Variants in ZMAT4 observed in about 807,000 individuals in gnomAD.
ZMAT4 encodes zinc finger matrin-type protein 4.
ZMAT4 carries 17 observed loss-of-function variants against 28.7 expected under a neutral mutation model. The observed-to-expected ratio is 0.59, with a 90% CI of 0.41 to 0.89. ZMAT4 has a LOEUF of 0.89. Ranked by LOEUF, ZMAT4 falls within the 40% of genes least tolerant of loss-of-function variation. The pLI is 0.00. For synonymous variants in ZMAT4, 117 were observed against 109.2 expected (o/e 1.07, Z -0.44); for missense variants, 240 against 283.8 (o/e 0.85, Z 1.11).
At chr8:40,577,133 G>A (rs889283813) in intron 6 of ZMAT4, among the ~76,000 whole-genome samples, 1 of 152,100 alleles carries the variant, frequency 6.6e-6, no homozygotes, top group Non-Finnish European at 1.5e-5. Context: ...GGCAGAAGTT[G>A]CAGTGAGCCG....
At chr8:40,670,843 C>T (rs1030009210) in intron 5 of ZMAT4, among the ~76,000 whole-genome samples, 1 of 151,950 alleles carries the variant, frequency 6.6e-6, no homozygotes, top group African/African-American at 2.4e-5. Flanking sequence ...CCAAGGTGGG[C>T]AGATCATGAG....
chr8:40,789,662 A>G (rs1447711952), intron 2 of ZMAT4, among the ~76,000 whole-genome samples: 2 of 152,206 alleles, frequency 1.3e-5, no homozygotes, highest in East Asian at 3.9e-4. Flanking sequence ...GTATCAAAAT[A>G]TCTCATGTAC....
At chr8:40,848,746 T>C (rs1016659060) in intron 1 of ZMAT4, among the ~76,000 whole-genome samples, 3 of 152,232 alleles carry the variant, frequency 2.0e-5, no homozygotes, top group African/African-American at 7.2e-5. Flanking sequence ...TGGTCGCTAC[T>C]ATTATATTTA....
intron 1 of ZMAT4, among the ~76,000 whole-genome samples, chr8:40,848,987 G>T (rs1368959586): frequency 6.6e-6 from 1 of 152,244 alleles, no homozygotes; most frequent in African/African-American, 2.4e-5. Flanking sequence ...TCCCCTGCAG[G>T]TCACCGCTCT....
chr8:40,864,845 G>A (rs1289224117), intron 1 of ZMAT4, among the ~76,000 whole-genome samples: 1 of 152,162 alleles, frequency 6.6e-6, no homozygotes, highest in African/African-American at 2.4e-5. Flanking sequence ...TTCAAAAATT[G>A]AAAATGTACT....
chr8:40,547,007 T>C (rs924424776), intron 6 of ZMAT4, among the ~76,000 whole-genome samples: 2 of 152,154 alleles, frequency 1.3e-5, no homozygotes, highest in African/African-American at 4.8e-5. Context: ...GGAAATGCAA[T>C]CATGATAAAG....
intron 1 of ZMAT4, among the ~76,000 whole-genome samples, chr8:40,887,532 G>A (rs552290761): frequency 6.6e-6 from 1 of 151,678 alleles, no homozygotes; most frequent in African/African-American, 2.4e-5. Flanking sequence ...GTAAAATAGT[G>A]GTTTGGTATA....
At chr8:40,541,988 A>ATG (rs1803048499) in intron 6 of ZMAT4, among the ~76,000 whole-genome samples, 1 of 152,238 alleles carries the variant, frequency 6.6e-6, no homozygotes, top group Non-Finnish European at 1.5e-5. Flanking sequence ...GCCCTCGGGC[A>ATG]GAGTGGGACT....
chr8:40,645,113 A>G (rs1038928458), intron 5 of ZMAT4, among the ~76,000 whole-genome samples: 1 of 152,182 alleles, frequency 6.6e-6, no homozygotes, highest in Non-Finnish European at 1.5e-5. Context: ...TAAACTATGG[A>G]CTTTAGTTAA....
chr8:40,562,448 A>T (rs1803777434), intron 6 of ZMAT4, among the ~76,000 whole-genome samples: 1 of 149,604 alleles, frequency 6.7e-6, no homozygotes, highest in Non-Finnish European at 1.5e-5. Context: ...ACTTTTATGA[A>T]ATTCCACCTG....
rs2118462821 is a variant in ZMAT4, at chr8:40,560,230, G to A, written c.674+20935C>T. Among the ~76,000 whole-genome samples, 2 of 150,698 alleles carry A rather than the reference G, an allele frequency of 1.3e-5. 1 individual carries two copies. Among genetic ancestry groups the A allele is most frequent in the South Asian group, 4.2e-4 (2 of 4,770 alleles). ...ATATATATATATAAAATTTGACCAA[G>A]GGAAATTGTACATTTTATCTTAACT... is the stretch of plus-strand genomic sequence containing the variant. On this transcript the variant is annotated intron_variant, in intron 6 of 6. Transcript: ENST00000297737.
chr8:40,587,010 C>T (rs755577052), intron 5 of ZMAT4, among the ~76,000 whole-genome samples: 11 of 149,528 alleles, frequency 7.4e-5, no homozygotes, highest in African/African-American at 1.7e-4. Context: ...TAGCCTGAGA[C>T]GTGAAGAGGA....
chr8:40,857,366 T>TAA lies in ZMAT4; in HGVS notation c.-4-31688_-4-31687dup, dbSNP rs71546311. ...GGCAACATAGCAAGACCCTGTCTCT[T>TAA]AAAAAAAAAAACAAAAACAAACAGA... On this transcript the variant is annotated intron_variant, in intron 1 of 6. Coordinates refer to ENST00000297737, the MANE Select transcript of ZMAT4 (RefSeq NM_024645.3). Among the ~76,000 whole-genome samples, 832 of 143,592 alleles carry TAA rather than the reference T, an allele frequency of 5.8e-3. 2 individuals are homozygous for TAA. Among genetic ancestry groups the TAA allele is most frequent in the African/African-American group, 0.02 (789 of 39,292 alleles). 94.2% of individuals were successfully genotyped at this position (143,592 alleles called of 152,430 possible).
intron 3 of ZMAT4, among the ~76,000 whole-genome samples, chr8:40,721,974 T>A (rs540161702): frequency 1.3e-5 from 2 of 152,092 alleles, no homozygotes; most frequent in Non-Finnish European, 2.9e-5. Context: ...TAGCCATATG[T>A]AGGAAGCTGA....
At chr8:40,534,978 C>T (rs1309188991) in intron 6 of ZMAT4, among the ~76,000 whole-genome samples, 6 of 151,966 alleles carry the variant, frequency 3.9e-5, no homozygotes, top group African/African-American at 7.3e-5. Context: ...CCACTGCGTC[C>T]GGCCCACATT....
At chr8:40,605,427 T>C (rs529083744) in intron 5 of ZMAT4, among the ~76,000 whole-genome samples, 1 of 152,364 alleles carries the variant, frequency 6.6e-6, no homozygotes, top group Non-Finnish European at 1.5e-5. Flanking sequence ...TATCTTGATT[T>C]CATTGTGAAC....
chr8:40,678,728 C>T (rs11778271), intron 4 of ZMAT4, among the ~76,000 whole-genome samples: 1 of 152,152 alleles, frequency 6.6e-6, no homozygotes, highest in Non-Finnish European at 1.5e-5. Context: ...TGGCTCTCTT[C>T]TAGTACATTT....
At chr8:40,881,445 A>AAGAAAGAAAGAG in intron 1 of ZMAT4, among the ~76,000 whole-genome samples, 1 of 111,868 alleles carries the variant, frequency 8.9e-6, no homozygotes, top group Non-Finnish European at 1.9e-5. Flanking sequence ...GAAAGAAAGA[A>AAGAAAGAAAGAG]AGAAAGAAAG....
chr8:40,656,883 T>C (rs1807950981), intron 5 of ZMAT4, among the ~76,000 whole-genome samples: 1 of 151,906 alleles, frequency 6.6e-6, no homozygotes, highest in Non-Finnish European at 1.5e-5. Context: ...GGGGCTATGG[T>C]GAGGGAATAA....
Sources: allele counts gnomAD v4.1 joint callset (sites outside exome capture counted in the v4.1 genomes callset), GRCh38; gene constraint gnomAD v4.1.1; transcripts MANE v1.5; gene names NCBI Gene and HGNC (gene_info 2026-07-23, HGNC 2026-07-21).